The following THRAP3 variants were observed in gnomAD, a reference collection of about 807,000 sequenced individuals.
THRAP3 encodes thyroid hormone receptor-associated protein 3.
In THRAP3, 16 loss-of-function variants were observed where a neutral mutation model predicts 101.0. That is an observed-to-expected ratio of 0.16 (90% CI 0.11 to 0.24). The LOEUF (loss-of-function observed/expected upper bound fraction) is 0.24. Ranked by LOEUF, THRAP3 falls within the 10% of genes least tolerant of loss-of-function variation. The pLI is 1.00. For synonymous variants in THRAP3, 407 were observed against 422.6 expected, an observed-to-expected ratio of 0.96 and a Z score of 0.45; for missense variants, 989 against 1,202.7, an observed-to-expected ratio of 0.82 and a Z score of 2.63.
upstream of THRAP3, among the ~76,000 whole-genome samples, chr1:36,224,010 G>A (rs1269519909): frequency 6.6e-6 from 1 of 152,158 alleles, no homozygotes; most frequent in African/African-American, 2.4e-5. Flanking sequence ...ATTTGCTCAA[G>A]GTCACAAAGC....
chr1:36,295,113 C>T (rs1645928174), intron 8 of THRAP3, among the ~76,000 whole-genome samples: 1 of 151,636 alleles, frequency 6.6e-6, no homozygotes. Context: ...ATCCCAGCTA[C>T]CTGGGAGGCT....
intron 2 of THRAP3, among the ~76,000 whole-genome samples, chr1:36,260,627 C>A (rs1645432872): frequency 6.6e-6 from 1 of 151,866 alleles, no homozygotes; most frequent in Admixed American, 6.6e-5. Flanking sequence ...TCGAGACCAT[C>A]CTGGCTAACA....
At chr1:36,278,062 C>CT (rs57646478) in intron 2 of THRAP3, among the ~76,000 whole-genome samples, 128 of 110,712 alleles carry the variant, frequency 1.2e-3, no homozygotes, top group African/African-American at 3.3e-3. Flanking sequence ...CCCAGCCCCC[C>CT]TTTTTTTTTT....
chr1:36,269,131 A>G (rs1645556068), intron 2 of THRAP3, among the ~76,000 whole-genome samples: 1 of 146,384 alleles, frequency 6.8e-6, no homozygotes, highest in Admixed American at 6.9e-5. Flanking sequence ...TCCTGAGGGC[A>G]TGGACTTTAC....
Position 36,304,203 on chromosome 1 carries a change from C to T in THRAP3, c.*186C>T, listed in dbSNP as rs1163516204. ...TCTCCCACTGGACAGAGGAGGCTGGCCATGGGGCCCAGGGGTCAGGCCCAG... is the reference window on the plus strand; with the variant it reads ...TCTCCCACTGGACAGAGGAGGCTGGTCATGGGGCCCAGGGGTCAGGCCCAG... On this transcript the variant is annotated 3_prime_UTR_variant, in exon 12 of 12. Transcript: ENST00000354618. 8 of 858,986 alleles carry T rather than the reference C, an allele frequency of 9.3e-6. No homozygotes were observed. The highest frequency in any genetic ancestry group is 1.2e-5 in the Non-Finnish European group (7 of 603,848). 53.2% of individuals were successfully genotyped at this position (858,986 alleles called of 1,614,324 possible).
At position 36,296,677 on chromosome 1, in the gene THRAP3, C is replaced by G; in HGVS notation, c.2210C>G (p.Ser737Trp). ...GAGAGAGATCTTAAACGAGGTAAATCGAGAGAATCAGTGGATTCCCGAGAC... is the reference window on the plus strand; with the variant it reads ...GAGAGAGATCTTAAACGAGGTAAATGGAGAGAATCAGTGGATTCCCGAGAC... ...HKERDLKRGK[S>W]RESVDSRDSS... Residue 737 changes from serine to tryptophan, a missense_variant, in exon 9 of 12, where the codon TCG becomes TGG. Coordinates refer to ENST00000354618, the MANE Select transcript of THRAP3 (RefSeq NM_005119.4). 6.2e-7 allele frequency: 1 copy of G among 1,610,384 alleles called. No homozygotes were observed. The highest frequency in any genetic ancestry group is 8.5e-7 in the Non-Finnish European group (1 of 1,179,146).
At position 36,303,454 on chromosome 1, in the gene THRAP3, A is replaced by C. The variant is rs147183841; in HGVS notation, c.2647-342A>C. 1.2e-3 allele frequency among the ~76,000 whole-genome samples: 190 copies of C among 152,276 alleles called. 1 individual carries two copies. The highest frequency in any genetic ancestry group is 4.4e-3 in the African/African-American group (184 of 41,558). ...AATGATAGGGTAGATAGGAGAATTA[A>C]ATGAGATAGTACATAAATGTCTTAC... On this transcript the variant is annotated intron_variant, in intron 11 of 11. Transcript: ENST00000354618.
chr1:36,270,380 G>T (rs1645572011), intron 2 of THRAP3, among the ~76,000 whole-genome samples: 1 of 151,968 alleles, frequency 6.6e-6, no homozygotes. Context: ...AAACAACAGA[G>T]TGAGACCCTG....
intron 1 of THRAP3, among the ~76,000 whole-genome samples, chr1:36,231,222 G>A (rs1237634250): frequency 6.6e-6 from 1 of 151,972 alleles, no homozygotes; most frequent in African/African-American, 2.4e-5. Context: ...ATTTTAGGCA[G>A]CTTTGAAAGA....
chr1:36,298,790 GCTA>G (rs2124641100), intron 9 of THRAP3, among the ~76,000 whole-genome samples: 1 of 151,892 alleles, frequency 6.6e-6, no homozygotes, highest in Non-Finnish European at 1.5e-5. Flanking sequence ...ACAGGCATGA[GCTA>G]CCACACCTGG....
At chr1:36,272,115 AAAGC>A (rs1250102149) in intron 2 of THRAP3, among the ~76,000 whole-genome samples, 6 of 150,472 alleles carry the variant, frequency 4.0e-5, no homozygotes, top group Non-Finnish European at 5.9e-5. Context: ...TCTGGACTGA[AAAGC>A]AAGCCTCCTT....
In THRAP3 at chr1:36,302,682, TG is replaced by T. The variant is rs954580559; in HGVS notation, c.2646+993del. 3.9e-4 allele frequency among the ~76,000 whole-genome samples: 60 copies of T among 152,024 alleles called. 1 individual carries two copies. The East Asian group carries it at 0.011, about 28-fold the overall frequency. ...CAACAGCCTAAGACCCTAGCTTTTGTGGGGGGGTGGTTTAGACTCTGAAGTC... is the reference window on the plus strand; with the variant it reads ...CAACAGCCTAAGACCCTAGCTTTTGTGGGGGGTGGTTTAGACTCTGAAGTC... On this transcript the variant is annotated intron_variant, in intron 11 of 11. Coordinates refer to ENST00000354618, the MANE Select transcript of THRAP3 (RefSeq NM_005119.4).
intron 2 of THRAP3, among the ~76,000 whole-genome samples, chr1:36,262,606 A>C (rs1645460364): frequency 6.6e-6 from 1 of 152,104 alleles, no homozygotes; most frequent in African/African-American, 2.4e-5. Context: ...GTATATCAGT[A>C]TGGGGGTGAT....
Position 36,287,084 on chromosome 1 carries a change from C to T in THRAP3, c.854C>T (p.Ser285Leu), listed in dbSNP as rs754944641. ...CTTTCCAGCACATCCCAGATGGGCT[C>T]AACTCTGCCGAGTGGTGCCGGGTAT... ...PPLSSTSQMG[S>L]TLPSGAGYQS... The change falls in exon 4 of 12, where the codon TCA becomes TTA. Residue 285 changes from serine (S) to leucine (L), a missense_variant. Ser to Leu is a moderately radical substitution (Grantham distance 145). Transcript: ENST00000354618. 5.7e-5 allele frequency: 92 copies of T among 1,613,998 alleles called. No individual in the cohort carries two copies. Among genetic ancestry groups the T allele is most frequent in the Non-Finnish European group, 7.3e-5 (86 of 1,179,990 alleles).
At chr1:36,292,097 A>G (rs1161878623) in intron 6 of THRAP3, among the ~76,000 whole-genome samples, 4 of 152,060 alleles carry the variant, frequency 2.6e-5, no homozygotes, top group Non-Finnish European at 4.4e-5. Context: ...GTGGAAATCT[A>G]GTGCCCAATA....
Position 36,286,955 on chromosome 1 carries a change from T to C in THRAP3, c.725T>C (p.Leu242Pro), listed in dbSNP as rs775814043. Residue 242 changes from leucine to proline, a missense_variant, in exon 4 of 12, where the codon CTG (leucine) becomes CCG (proline). Coordinates refer to ENST00000354618, the MANE Select transcript of THRAP3 (RefSeq NM_005119.4). The surrounding 1 kb of genome is among the most constrained non-coding windows in gnomAD (Gnocchi z 5.5). ...TCACGGGCCTCAGCAGTTTCTGAGC[T>C]GAGTCCTCGGGAGCGAAGCCCAGCT... The part of the protein sequence containing the change: ...SASRASAVSE[L>P]SPRERSPALK... 58 of 1,614,154 alleles carry C rather than the reference T, an allele frequency of 3.6e-5. No homozygotes were observed. In the Middle Eastern group the frequency reaches 4.9e-4, roughly 14 times the overall value.
intron 9 of THRAP3, among the ~76,000 whole-genome samples, chr1:36,299,615 C>G (rs1646006020): frequency 6.6e-6 from 1 of 151,730 alleles, no homozygotes; most frequent in African/African-American, 2.4e-5. Context: ...ATTCTCCTGT[C>G]TCAGCCTCCT....
chr1:36,220,245 G>A (rs896053997), upstream of THRAP3, among the ~76,000 whole-genome samples: 15 of 152,152 alleles, frequency 9.9e-5, no homozygotes, highest in African/African-American at 3.4e-4. Context: ...TACCCATCTC[G>A]GCCTGCCAAA....
chr1:36,209,533 T>C, the THRAP3 span, among the ~76,000 whole-genome samples: 7 of 152,172 alleles, frequency 4.6e-5, no homozygotes, highest in Non-Finnish European at 8.8e-5. Flanking sequence ...CTCTGGGGGA[T>C]AGAATTGTCC....
Sources: allele counts gnomAD v4.1 joint callset (sites outside exome capture counted in the v4.1 genomes callset), GRCh38; gene constraint gnomAD v4.1.1; non-coding constraint Gnocchi (gnomAD v3.1); transcripts MANE v1.5; gene names NCBI Gene and HGNC (gene_info 2026-07-23, HGNC 2026-07-21).